SYNE3: variants seen among roughly 807,000 people sequenced by gnomAD.
The protein encoded by SYNE3 is spectrin repeat containing nuclear envelope family member 3.
Under a neutral mutation model 111.2 loss-of-function variants are expected in SYNE3, and 100 were observed. The observed-to-expected ratio is 0.90, with a 90% CI of 0.77 to 1.06. The LOEUF is 1.06. SYNE3 is among the 50% of genes least tolerant of loss of function. The pLI is 0.00. For synonymous variants in SYNE3, 547 were observed against 533.9 expected (o/e 1.02, Z -0.34); for missense variants, 1,160 against 1,240.3 (o/e 0.94, Z 0.97).
At position 95,475,732 on chromosome 14, in the gene SYNE3, A is replaced by G. The variant is rs1888847423; in HGVS notation, c.90T>C (p.Asn30=). Residue 30 remains asparagine (N), a synonymous_variant, in exon 2 of 18, where the codon AAT becomes AAC. Coordinates refer to ENST00000682763, the MANE Select transcript of SYNE3 (RefSeq NM_152592.6). ...MKAVQDQLQV[N]DNTQGPRAAL... ...CCGCGCGGGGTCCCTGCGTGTTGTC[A>G]TTGACCTGCAGCTGGTCCTGCACAG... is the stretch of plus-strand genomic sequence containing the variant. 6.2e-7 allele frequency: 1 copy of G among 1,607,058 alleles called. No homozygotes were observed. The highest frequency in any genetic ancestry group is 8.5e-7 in the Non-Finnish European group (1 of 1,177,280).
intron 17 of SYNE3, among the ~76,000 whole-genome samples, chr14:95,429,644 C>T (rs1040785954): frequency 2.0e-5 from 3 of 152,196 alleles, no homozygotes; most frequent in Non-Finnish European, 4.4e-5. Context: ...GCACCAAAGT[C>T]AGATTTTTAC....
intron 4 of SYNE3, among the ~76,000 whole-genome samples, chr14:95,464,087 T>C (rs1285521926): frequency 4.6e-5 from 7 of 152,354 alleles, no homozygotes; most frequent in African/African-American, 1.7e-4. Context: ...TTTCTAGTTC[T>C]GCTTATCACA....
At chr14:95,445,305 G>A (rs1326643942) in intron 9 of SYNE3, among the ~76,000 whole-genome samples, 15 of 152,180 alleles carry the variant, frequency 9.9e-5, no homozygotes, top group Admixed American at 9.8e-4. Context: ...GTCCTCGTGT[G>A]TAAAACGAGA....
At chr14:95,420,492 G>T in intron 17 of SYNE3, among the ~76,000 whole-genome samples, 1 of 152,132 alleles carries the variant, frequency 6.6e-6, no homozygotes, top group East Asian at 1.9e-4. Context: ...CAAGAGAGGG[G>T]CTGTGCCTTG....
intron 1 of SYNE3, among the ~76,000 whole-genome samples, chr14:95,491,140 T>C (rs971443550): frequency 6.6e-6 from 1 of 152,144 alleles, no homozygotes; most frequent in Non-Finnish European, 1.5e-5. Flanking sequence ...AGATCTCGGG[T>C]TGCGGGGTAA....
chr14:95,427,529 A>G (rs974934131), intron 17 of SYNE3, among the ~76,000 whole-genome samples: 4 of 152,126 alleles, frequency 2.6e-5, no homozygotes, highest in African/African-American at 7.2e-5. Context: ...GAAAGTACTA[A>G]AAGTCTCTGA....
intron 6 of SYNE3, 75 bp downstream of exon 6, chr14:95,455,302 C>T: frequency 8.2e-7 from 1 of 1,221,226 alleles, no homozygotes; most frequent in Non-Finnish European, 1.1e-6. Flanking sequence ...TTCTCCATCA[C>T]AGAGGAGGTC....
In SYNE3 at chr14:95,417,549, T is replaced by C; in HGVS notation, c.*277A>G. The C allele has an allele frequency of 2.1e-6, 1 of 470,594 alleles. No homozygotes were observed. Among genetic ancestry groups the C allele is most frequent in the Non-Finnish European group, 3.9e-6 (1 of 258,972 alleles). The allele number at this position is 470,594 out of a possible 1,614,324, so 29.2% of individuals were successfully genotyped here. On this transcript the variant is annotated 3_prime_UTR_variant, in exon 18 of 18. Coordinates refer to ENST00000682763, the MANE Select transcript of SYNE3 (RefSeq NM_152592.6). ...TTCCCAACTCCAAATAGAACTCGTATATGAAATTATACATACTGAGCATTT... is the reference window on the plus strand; with the variant it reads ...TTCCCAACTCCAAATAGAACTCGTACATGAAATTATACATACTGAGCATTT...
At chr14:95,437,796 A>C (rs1395387724) in intron 14 of SYNE3, 1 of 152,168 alleles carries the variant, frequency 6.6e-6, no homozygotes, top group African/African-American at 2.4e-5. Flanking sequence ...AAAACAATGT[A>C]GTTAGTTCTT....
chr14:95,460,863 C>G (rs1008150961), intron 4 of SYNE3, among the ~76,000 whole-genome samples: 1 of 152,224 alleles, frequency 6.6e-6, no homozygotes, highest in African/African-American at 2.4e-5. Flanking sequence ...TAGATGCAGC[C>G]GGGAGTGAAC....
chr14:95,488,697 G>GAGGAGAGGAGAGGAGAGGA (rs1889677131), intron 1 of SYNE3, among the ~76,000 whole-genome samples: 1 of 38,240 alleles, frequency 2.6e-5, no homozygotes, highest in Non-Finnish European at 5.0e-5. Context: ...GAAGGGGAAG[G>GAGGAGAGGAGAGGAGAGGA]GAGGAGAGGA....
At chr14:95,503,578 A>G (rs1266889858) in intron 1 of SYNE3, among the ~76,000 whole-genome samples, 11 of 148,910 alleles carry the variant, frequency 7.4e-5, no homozygotes. Flanking sequence ...TTTAAACAGT[A>G]GACACGAGAT....
chr14:95,459,422 G>A (rs1479283223), intron 4 of SYNE3, among the ~76,000 whole-genome samples: 1 of 152,066 alleles, frequency 6.6e-6, no homozygotes, highest in Non-Finnish European at 1.5e-5. Context: ...AACATTAGCA[G>A]GGTGTGGTGG....
rs1018298907 is a variant in SYNE3, at chr14:95,450,207, C to T, written c.1275-102G>A. Reference sequence around the variant, plus strand: ...CCCTCAAGAGGCCCAGCATGCACTGCTCCCAGGGTGGGCCTTCTCCTGTTT... The same window carrying T: ...CCCTCAAGAGGCCCAGCATGCACTGTTCCCAGGGTGGGCCTTCTCCTGTTT... On this transcript the variant is annotated intron_variant, in intron 7 of 17. Coordinates refer to ENST00000682763, the MANE Select transcript of SYNE3 (RefSeq NM_152592.6). 10 of 1,374,762 alleles carry T rather than the reference C, an allele frequency of 7.3e-6. No individual in the cohort carries two copies. In the African/African-American group the frequency reaches 8.7e-5, roughly 12 times the overall value. 85.2% of individuals were successfully genotyped at this position (1,374,762 alleles called of 1,614,324 possible).
rs974604921 is a variant in SYNE3 at position 95,471,827 on chromosome 14, G to A, written c.144+3851C>T. ...TTGTCGCAGCCAATGAGGGCAAGGG[G>A]AAGGTGGGGATCGGATGTAAGGAAA... is the stretch of plus-strand genomic sequence containing the variant. On this transcript the variant is annotated intron_variant, in intron 2 of 17. Coordinates refer to ENST00000682763, the MANE Select transcript of SYNE3 (RefSeq NM_152592.6). Among the ~76,000 whole-genome samples, 4 of 152,212 alleles carry A rather than the reference G, an allele frequency of 2.6e-5. No individual in the cohort carries two copies. In the East Asian group the frequency reaches 7.7e-4, roughly 29 times the overall value.
At chr14:95,425,245 A>G (rs1443746330) in intron 17 of SYNE3, among the ~76,000 whole-genome samples, 1 of 11,128 alleles carries the variant, frequency 9.0e-5, no homozygotes, top group Non-Finnish European at 4.6e-4. Flanking sequence ...GACTCCATCA[A>G]AAAAAAAAAA....
At chr14:95,512,040 C>T (rs1488793209) in intron 1 of SYNE3, among the ~76,000 whole-genome samples, 2 of 152,156 alleles carry the variant, frequency 1.3e-5, no homozygotes, top group African/African-American at 4.8e-5. Flanking sequence ...AATCATTAGG[C>T]CAGGACCTTT....
chr14:95,457,101 A>G, intron 5 of SYNE3, 76 bp downstream of exon 5: 4 of 1,465,912 alleles, frequency 2.7e-6, no homozygotes, highest in Non-Finnish European at 3.6e-6. Context: ...AAAAAAAAAA[A>G]AGGAACTATG....
intron 1 of SYNE3, among the ~76,000 whole-genome samples, chr14:95,502,840 TAA>T (rs1350900641): frequency 6.6e-6 from 1 of 152,130 alleles, no homozygotes; most frequent in Non-Finnish European, 1.5e-5. Flanking sequence ...CAGAAAAACT[TAA>T]AGTCTTCCCC....
Sources: gnomAD v4.1 joint callset for allele counts (sites outside exome capture counted in the v4.1 genomes callset) on GRCh38, gnomAD v4.1.1 for gene constraint, MANE v1.5 for transcripts, NCBI Gene and HGNC (gene_info 2026-07-23, HGNC 2026-07-21) for gene names.